The following HPS5 variants were observed in gnomAD, a reference collection of about 807,000 sequenced individuals.
The protein encoded by HPS5 is BLOC-2 complex member HPS5.
In HPS5, 83 loss-of-function variants were observed where a neutral mutation model predicts 128.0. The ratio of observed to expected loss-of-function variants is 0.65; its 90% CI spans 0.54 to 0.78. The LOEUF (loss-of-function observed/expected upper bound fraction) is 0.78. Ranked by LOEUF, HPS5 falls within the 30% of genes least tolerant of loss-of-function variation. HPS5 has a pLI of 0.00. For synonymous variants in HPS5, 475 were observed against 470.2 expected (o/e 1.01, Z -0.13); for missense variants, 1,281 against 1,326.2 (o/e 0.97, Z 0.53).
At chr11:18,280,690 G>A (rs948645631) in intron 22 of HPS5, 54 of 622,660 alleles carry the variant, frequency 8.7e-5, no homozygotes, top group African/African-American at 8.1e-4. Context: ...TATATACAAC[G>A]GAATATTATT....
At chr11:18,320,336 A>G (rs1388025340) in intron 1 of HPS5, among the ~76,000 whole-genome samples, 2 of 152,218 alleles carry the variant, frequency 1.3e-5, no homozygotes, top group Admixed American at 1.3e-4. Context: ...AAAAAGATTC[A>G]TAGGTAATTC....
chr11:18,288,045 T>C (rs1200397308), intron 16 of HPS5, 32 bp from the exon 17 acceptor site: 3 of 1,611,534 alleles, frequency 1.9e-6, no homozygotes. Flanking sequence ...TTTCCAAACT[T>C]TATCTCTTAG....
intron 16 of HPS5, among the ~76,000 whole-genome samples, chr11:18,288,560 G>A (rs1564934285): frequency 6.6e-6 from 1 of 151,900 alleles, no homozygotes; most frequent in African/African-American, 2.4e-5. Context: ...AATCAAGTCT[G>A]GTGAAAGGAG....
rs1184593692 is a variant in HPS5 at position 18,287,985 on chromosome 11, C to T, written c.2469G>A (p.Met823Ile). The change falls in exon 17 of 23, where the codon ATG (methionine) becomes ATA (isoleucine). Residue 823 changes from methionine to isoleucine, a missense_variant. Met to Ile is a conservative substitution (Grantham distance 10). Transcript: ENST00000349215. ...TTGGTAGATCTCCTTTTTCCATCTC[C>T]ATATACACAGGATTGGAACTTGCCA... ...KEMASSNPVYMEMEKGDLPTR... is the reference protein window; with the variant it reads ...KEMASSNPVYIEMEKGDLPTR... 4 of 1,613,604 alleles carry T rather than the reference C, an allele frequency of 2.5e-6. No individual in the cohort carries two copies. Among genetic ancestry groups the T allele is most frequent in the Non-Finnish European group, 8.5e-7 (1 of 1,179,844 alleles).
rs769673903 is a variant in HPS5, at chr11:18,298,962, C to G, written c.994G>C (p.Asp332His). The change falls in exon 10 of 23, where the codon GAT becomes CAT. Residue 332 changes from aspartate (D) to histidine (H), a missense_variant. By Grantham distance (81) the Asp-to-His change is moderately conservative. Coordinates refer to ENST00000349215, the MANE Select transcript of HPS5 (RefSeq NM_181507.2). ...LLWSEVKDIQ[D>H]VAVCRNELFC... ...AATTCATTCCTACAGACAGCCACAT[C>G]CTGAATATCTACGAAAACCACAGGT... 10 of 1,614,114 alleles carry G rather than the reference C, an allele frequency of 6.2e-6. No individual in the cohort carries two copies. In the South Asian group the frequency reaches 8.8e-5, roughly 14 times the overall value.
intron 19 of HPS5, 80 bp from the exon 20 acceptor site, chr11:18,285,539 A>G (rs1465548123): frequency 2.0e-6 from 2 of 979,390 alleles, no homozygotes; most frequent in Non-Finnish European, 3.2e-6. Context: ...ATAGGTAAGA[A>G]TAGAGTTTAA....
intron 2 of HPS5, among the ~76,000 whole-genome samples, chr11:18,316,027 G>C (rs1226649202): frequency 1.3e-5 from 2 of 152,178 alleles, no homozygotes; most frequent in East Asian, 3.8e-4. Flanking sequence ...GGAAGCCAAA[G>C]GCCAAGGCAC....
chr11:18,279,811 C>T lies in HPS5; in HGVS notation c.*71G>A, dbSNP rs953209362. On this transcript the variant is annotated 3_prime_UTR_variant, in exon 23 of 23. Coordinates refer to ENST00000349215, the MANE Select transcript of HPS5 (RefSeq NM_181507.2). Reference sequence around the variant, plus strand: ...GGTGTCTTTCCTTCAATAACAAATGCGTTCAGAAGGTTCAGGAGCATGATT... The same window carrying T: ...GGTGTCTTTCCTTCAATAACAAATGTGTTCAGAAGGTTCAGGAGCATGATT... 5.6e-6 allele frequency: 8 copies of T among 1,433,500 alleles called. No homozygotes were observed. Among genetic ancestry groups the T allele is most frequent in the South Asian group, 2.3e-5 (2 of 86,554 alleles). The allele number at this position is 1,433,500 out of a possible 1,614,324, so 88.8% of individuals were successfully genotyped here. A position where few individuals can be genotyped will look rare whatever the true frequency, so the allele number is the denominator to read the frequency against.
intron 14 of HPS5, among the ~76,000 whole-genome samples, chr11:18,293,849 A>G (rs968182678): frequency 6.6e-6 from 1 of 152,238 alleles, no homozygotes; most frequent in African/African-American, 2.4e-5. Flanking sequence ...TGAAATTTAT[A>G]GCACTTAGAA....
Position 18,282,166 on chromosome 11 carries a change from C to T in HPS5, c.3113G>A (p.Ser1038Asn), listed in dbSNP as rs1467505191. The T allele has an allele frequency of 6.2e-7, 1 of 1,614,058 alleles. No homozygotes were observed. ...EWKLLLHLIQ[S>N]KSTRPAPQES... ...CTGGGGGGCTGGCCTCGTGCTCTTGCTCTGTATGAGATGAAGGAGAAGCTT... is the reference window on the plus strand; with the variant it reads ...CTGGGGGGCTGGCCTCGTGCTCTTGTTCTGTATGAGATGAAGGAGAAGCTT... Residue 1038 changes from serine (S) to asparagine (N), a missense_variant, in exon 22 of 23, where the codon AGC becomes AAC. Transcript: ENST00000349215.
intron 10 of HPS5, 112 bp from the exon 11 acceptor site, chr11:18,297,829 C>A (rs1861254718): frequency 9.5e-7 from 1 of 1,054,182 alleles, no homozygotes; most frequent in East Asian, 2.5e-5. Context: ...CCTGTAATCC[C>A]AGCACTCTGG....
chr11:18,284,740 A>G (rs1859473441), intron 20 of HPS5, among the ~76,000 whole-genome samples: 2 of 152,328 alleles, frequency 1.3e-5, no homozygotes, highest in South Asian at 4.1e-4. Context: ...GAAAGACACA[A>G]GTTGCTATCT....
In HPS5 at chr11:18,291,610, T is replaced by G; in HGVS notation, c.2272A>C (p.Ser758Arg). Reference protein sequence around the residue: ...NVLNSKIKSTSGHVDHTLQQY... With the variant: ...NVLNSKIKSTRGHVDHTLQQY... ...TGCAAAGTGTGGTCCACATGTCCAC[T>G]GGTGCTTTTGATCTTAGAATTCAAT... Residue 758 changes from serine (S) to arginine (R), a missense_variant, in exon 16 of 23, where the codon AGT becomes CGT. Physicochemically the swap from Ser to Arg is moderately radical, Grantham distance 110. Transcript: ENST00000349215. 6.2e-7 allele frequency: 1 copy of G among 1,614,204 alleles called. No homozygotes were observed. The highest frequency in any genetic ancestry group is 8.5e-7 in the Non-Finnish European group (1 of 1,180,012).
At chr11:18,293,088 C>T (rs1308948045) in intron 14 of HPS5, 112 bp from the exon 15 acceptor site, 1 of 828,644 alleles carries the variant, frequency 1.2e-6, no homozygotes, top group Non-Finnish European at 2.1e-6. Flanking sequence ...GTGACGTGAT[C>T]TCGGTTCATT....
chr11:18,282,857 A>T (rs1375273919), intron 21 of HPS5, among the ~76,000 whole-genome samples: 1 of 152,192 alleles, frequency 6.6e-6, no homozygotes, highest in Non-Finnish European at 1.5e-5. Flanking sequence ...AAGATGAGAC[A>T]AGCTTAGAGG....
At chr11:18,289,605 ACTG>A (rs1166573324) in intron 16 of HPS5, among the ~76,000 whole-genome samples, 1 of 152,236 alleles carries the variant, frequency 6.6e-6, no homozygotes, top group East Asian at 1.9e-4. Context: ...TATGCTTTTA[ACTG>A]CTATATTTGA....
At position 18,295,082 on chromosome 11, in the gene HPS5, A is replaced by C. The variant is rs748487458; in HGVS notation, c.1722T>G (p.Gly574=). ...PDLKVRPELR[G]DEQSCEEDVS... is the part of the protein sequence containing the mutation. ...CATCCTCTTCACATGATTGCTCATC[A>C]CCCCTGAGCTCTGGTCTCACTTTCA... Residue 574 remains glycine, a synonymous_variant, in exon 14 of 23, where the codon GGT becomes GGG. Coordinates refer to ENST00000349215, the MANE Select transcript of HPS5 (RefSeq NM_181507.2). The C allele has an allele frequency of 6.2e-7, 1 of 1,613,916 alleles. No homozygotes were observed. Among genetic ancestry groups the C allele is most frequent in the South Asian group, 1.1e-5 (1 of 91,068 alleles).
intron 2 of HPS5, among the ~76,000 whole-genome samples, chr11:18,317,055 G>T (rs888030487): frequency 1.3e-5 from 2 of 152,020 alleles, no homozygotes; most frequent in African/African-American, 4.8e-5. Flanking sequence ...TTAGCCAGAC[G>T]TGGTGGCGGG....
At position 18,310,821 on chromosome 11, in the gene HPS5, T is replaced by C. The variant is rs761615220; in HGVS notation, c.397A>G (p.Thr133Ala). The change falls in exon 5 of 23, where the codon ACA becomes GCA. Residue 133 changes from threonine to alanine, a missense_variant. Thr to Ala is a moderately conservative substitution (Grantham distance 58, BLOSUM62 0). Coordinates refer to ENST00000349215, the MANE Select transcript of HPS5 (RefSeq NM_181507.2). ...GRRVTALCWD[T>A]AILRVFVGDH... ...CCTACAAAAACTCTAAGAATAGCTG[T>C]ATCCCAGCAGAGAGCTGTGACTCTT... The C allele has an allele frequency of 1.9e-6, 3 of 1,614,096 alleles. No individual in the cohort carries two copies. Among genetic ancestry groups the C allele is most frequent in the Middle Eastern group, 3.3e-4 (2 of 6,062 alleles).
Sources: gnomAD v4.1 joint callset for allele counts (sites outside exome capture counted in the v4.1 genomes callset) on GRCh38, gnomAD v4.1.1 for gene constraint, MANE v1.5 for transcripts, NCBI Gene and HGNC (gene_info 2026-07-23, HGNC 2026-07-21) for gene names.